Variants in ABHD6 observed in about 807,000 individuals in gnomAD.
ABHD6 encodes abhydrolase domain containing 6, acylglycerol lipase.
Under a neutral mutation model 38.8 loss-of-function variants are expected in ABHD6, and 33 were observed. The observed-to-expected ratio is 0.85, with a 90% CI of 0.64 to 1.14. The LOEUF is 1.14. Among genes scored for constraint, ABHD6 ranks in the 50% most tolerant of loss-of-function variants. The pLI is 0.00. For synonymous variants in ABHD6, 147 were observed against 161.6 expected (o/e 0.91, Z 0.69); for missense variants, 380 against 422.6 (o/e 0.90, Z 0.88).
intron 9 of ABHD6, among the ~76,000 whole-genome samples, chr3:58,290,954 G>A (rs879136846): frequency 3.3e-5 from 5 of 152,004 alleles, no homozygotes; most frequent in African/African-American, 9.7e-5. Flanking sequence ...AGGCAGAGAC[G>A]CTCCTCGCTT....
chr3:58,258,078 C>T (rs530204737), intron 3 of ABHD6, among the ~76,000 whole-genome samples: 1 of 152,248 alleles, frequency 6.6e-6, no homozygotes, highest in East Asian at 1.9e-4. Context: ...GAGGCCGAGG[C>T]AGGCAGATCA....
intron 7 of ABHD6, 126 bp from the exon 8 acceptor site, chr3:58,284,959 G>A (rs2097455865): frequency 3.7e-6 from 3 of 805,834 alleles, no homozygotes; most frequent in Non-Finnish European, 6.4e-6. Flanking sequence ...CAGAGGACCA[G>A]GCTCTAAAGA....
chr3:58,268,887 G>C (rs2097442844), intron 4 of ABHD6, among the ~76,000 whole-genome samples: 1 of 152,150 alleles, frequency 6.6e-6, no homozygotes, highest in African/African-American at 2.4e-5. Flanking sequence ...TGTGGTTCTT[G>C]GGGAAAACAT....
chr3:58,267,397 G>A lies in ABHD6; in HGVS notation c.276+52G>A. On this transcript the variant is annotated intron_variant, in intron 4 of 9. Coordinates refer to ENST00000478253, the MANE Select transcript of ABHD6 (RefSeq NM_001320126.2). The surrounding 1 kb of genome is among the most constrained non-coding windows in gnomAD (Gnocchi z 4.3). ...TAAGAAAAGGGAGTTGGGTGCTGTGGCTCATGCCTATAATCCCAGCACTTT... is the reference window on the plus strand; with the variant it reads ...TAAGAAAAGGGAGTTGGGTGCTGTGACTCATGCCTATAATCCCAGCACTTT... 6.2e-7 allele frequency: 1 copy of A among 1,603,342 alleles called. No individual in the cohort carries two copies. Among genetic ancestry groups the A allele is most frequent in the Non-Finnish European group, 8.5e-7 (1 of 1,173,756 alleles).
intron 1 of ABHD6, among the ~76,000 whole-genome samples, chr3:58,244,128 A>T (rs2097424706): frequency 6.6e-6 from 1 of 152,218 alleles, no homozygotes; most frequent in Non-Finnish European, 1.5e-5. Flanking sequence ...GATGTTTTGC[A>T]AATATGACAT....
intron 9 of ABHD6, among the ~76,000 whole-genome samples, chr3:58,286,858 A>ATATGTG (rs2097457647): frequency 8.0e-6 from 1 of 125,442 alleles, no homozygotes; most frequent in East Asian, 2.6e-4. Context: ...GTGTGTATAT[A>ATATGTG]TATATATATA....
intron 7 of ABHD6, 151 bp downstream of exon 7, chr3:58,274,966 A>C: frequency 1.0e-6 from 1 of 985,264 alleles, no homozygotes; most frequent in Non-Finnish European, 1.5e-6. Flanking sequence ...CAGTGCCTGC[A>C]ACACGCTGGG....
chr3:58,260,305 C>T (rs989052411), intron 3 of ABHD6, among the ~76,000 whole-genome samples: 1 of 152,182 alleles, frequency 6.6e-6, no homozygotes, highest in African/African-American at 2.4e-5. Flanking sequence ...AAGACAAACA[C>T]AATGCTCTTT....
At chr3:58,270,554 G>A (rs1437774002) in intron 5 of ABHD6, among the ~76,000 whole-genome samples, 1 of 150,704 alleles carries the variant, frequency 6.6e-6, no homozygotes, top group African/African-American at 2.4e-5. Context: ...CATGCCTGTA[G>A]TTCTAGCTAC....
Position 58,293,171 on chromosome 3 carries a change from C to T in ABHD6, c.838-418C>T, listed in dbSNP as rs746402724. Among the ~76,000 whole-genome samples, 1 of 152,092 alleles carries T rather than the reference C, an allele frequency of 6.6e-6. No individual in the cohort carries two copies. The highest frequency in any genetic ancestry group is 2.4e-5 in the African/African-American group (1 of 41,414). On this transcript the variant is annotated intron_variant, in intron 9 of 9. Transcript: ENST00000478253. This position sits in a 1 kb window ranked among gnomAD's most constrained non-coding sequence, Gnocchi z 4.4. ...CGTGCTCCTTGGTGGCCCCTGCACT[C>T]GCCATGATCTCCCACCCTGTGCCAT...
At chr3:58,252,731 CT>C (rs2107429572) in intron 2 of ABHD6, among the ~76,000 whole-genome samples, 1 of 152,310 alleles carries the variant, frequency 6.6e-6, no homozygotes, top group East Asian at 1.9e-4. Flanking sequence ...CTTGGTTGAT[CT>C]CTGATTTTTG....
In ABHD6 at chr3:58,267,496, C is replaced by T. The variant is rs994764635; in HGVS notation, c.276+151C>T. On this transcript the variant is annotated intron_variant, in intron 4 of 9. Coordinates refer to ENST00000478253, the MANE Select transcript of ABHD6 (RefSeq NM_001320126.2). This position sits in a 1 kb window ranked among gnomAD's most constrained non-coding sequence, Gnocchi z 4.3. ...CCTGGACAACATAAAGAAACCCTGT[C>T]TCTACAAAAAATTAAAAAATTAGCC... The T allele has an allele frequency of 1.1e-5, 12 of 1,052,512 alleles. 1 individual carries two copies. Among genetic ancestry groups the T allele is most frequent in the Admixed American group, 5.3e-5 (2 of 37,712 alleles). 65.2% of individuals were successfully genotyped at this position (1,052,512 alleles called of 1,614,324 possible). A position where few individuals can be genotyped will look rare whatever the true frequency, so the allele number is the denominator to read the frequency against.
At position 58,263,681 on chromosome 3, in the gene ABHD6, A is replaced by G. The variant is rs1474722482; in HGVS notation, c.120-3508A>G. On this transcript the variant is annotated intron_variant, in intron 3 of 9. Transcript: ENST00000478253. This position sits in a 1 kb window ranked among gnomAD's most constrained non-coding sequence, Gnocchi z 4.9. ...AGCTTCCAGCTGATGTATGTTGAGT[A>G]TCCAGTAGTCTGCTGAAGTTTCACC... Among the ~76,000 whole-genome samples, 1 of 152,234 alleles carries G rather than the reference A, an allele frequency of 6.6e-6. No individual in the cohort carries two copies. The highest frequency in any genetic ancestry group is 1.5e-5 in the Non-Finnish European group (1 of 68,052).
At chr3:58,291,571 T>A (rs2097463027) in intron 9 of ABHD6, among the ~76,000 whole-genome samples, 1 of 152,202 alleles carries the variant, frequency 6.6e-6, no homozygotes, top group Non-Finnish European at 1.5e-5. Flanking sequence ...GGAAAAGTTT[T>A]TGACCATTTA....
At chr3:58,239,042 G>A (rs1447062516) in intron 1 of ABHD6, among the ~76,000 whole-genome samples, 9 of 152,054 alleles carry the variant, frequency 5.9e-5, no homozygotes, top group Admixed American at 3.3e-4. Flanking sequence ...CTGAGAGCAG[G>A]AATATGAGGC....
At chr3:58,290,253 C>T (rs1225083224) in intron 9 of ABHD6, among the ~76,000 whole-genome samples, 1 of 129,632 alleles carries the variant, frequency 7.7e-6, no homozygotes, top group East Asian at 2.6e-4. Flanking sequence ...TGGGCAGAGG[C>T]GCCCCTCACC....
At chr3:58,276,936 T>G (rs555777849) in intron 7 of ABHD6, among the ~76,000 whole-genome samples, 66 of 152,304 alleles carry the variant, frequency 4.3e-4, no homozygotes, top group African/African-American at 1.5e-3. Flanking sequence ...ATGTGTGGTG[T>G]TATTTCTGAG....
In ABHD6 at chr3:58,285,132, C is replaced by A; in HGVS notation, c.729C>A (p.Tyr243Ter). 6.2e-7 allele frequency: 1 copy of A among 1,614,134 alleles called. No individual in the cohort carries two copies. The highest frequency in any genetic ancestry group is 8.5e-7 in the Non-Finnish European group (1 of 1,179,992). The change falls in exon 8 of 10, where the codon TAC (tyrosine) becomes TAA (stop). Residue 243 changes from tyrosine to a stop codon, truncating the protein, a stop_gained. Coordinates refer to ENST00000478253, the MANE Select transcript of ABHD6 (RefSeq NM_001320126.2). LOFTEE classifies it high-confidence loss of function. This position sits in a 1 kb window ranked among gnomAD's most constrained non-coding sequence, Gnocchi z 4.9. ...VDVRIPHNNF[Y>*]RKLFLEIVSE... The stretch of plus-strand genomic sequence containing the variant: ...TCCGCATCCCTCATAACAACTTCTA[C>A]CGAAAGTGTAAGTAGCCCTACTTTC...
In ABHD6 at chr3:58,254,851, T is replaced by TACAC. The variant is rs58771259; in HGVS notation, c.-25-1681_-25-1678dup. Among the ~76,000 whole-genome samples, 63 of 146,932 alleles carry TACAC rather than the reference T, an allele frequency of 4.3e-4. No homozygotes were observed. The South Asian group carries it at 4.3e-3, about 10-fold the overall frequency. Reference sequence around the variant, plus strand: ...GTGTGTATATACATATATATGTGTATACACACACACACACACACACACACA... The same window carrying TACAC: ...GTGTGTATATACATATATATGTGTATACACACACACACACACACACACACACACA... On this transcript the variant is annotated intron_variant, in intron 2 of 9. Transcript: ENST00000478253.
Sources: allele counts gnomAD v4.1 joint callset (sites outside exome capture counted in the v4.1 genomes callset), GRCh38; gene constraint gnomAD v4.1.1; non-coding constraint Gnocchi (gnomAD v3.1); transcripts MANE v1.5; gene names NCBI Gene and HGNC (gene_info 2026-07-23, HGNC 2026-07-21).